Variants in CRYBB3 observed in about 807,000 individuals in gnomAD.
The protein encoded by CRYBB3 is beta-crystallin B3.
Under a neutral mutation model 28.3 loss-of-function variants are expected in CRYBB3, and 35 were observed. The observed-to-expected ratio is 1.24, with a 90% CI of 0.95 to 1.64. CRYBB3 has a LOEUF of 1.64. CRYBB3 is among the 40% of genes most tolerant of loss of function. The pLI, the probability that CRYBB3 is intolerant of heterozygous loss-of-function variation, is 0.00. For synonymous variants in CRYBB3, 106 were observed against 110.4 expected, an observed-to-expected ratio of 0.96 and a Z score of 0.25; for missense variants, 296 against 297.4, an observed-to-expected ratio of 1.00 and a Z score of 0.04.
intron 2 of CRYBB3, among the ~76,000 whole-genome samples, chr22:25,202,109 T>G (rs1305896137): frequency 2.0e-5 from 3 of 152,156 alleles, no homozygotes; most frequent in South Asian, 2.1e-4. Context: ...TTTCTGAGCT[T>G]CTTTGATCCC....
chr22:25,203,949 G>C, intron 4 of CRYBB3, 54 bp downstream of exon 4: 1 of 1,612,032 alleles, frequency 6.2e-7, no homozygotes, highest in Non-Finnish European at 8.5e-7. Flanking sequence ...GGTGCACTGA[G>C]AGCTGGTCAG....
At chr22:25,206,965 G>T in intron 5 of CRYBB3, 82 bp from the exon 6 acceptor site, 1 of 1,018,940 alleles carries the variant, frequency 9.8e-7, no homozygotes, top group Non-Finnish European at 1.6e-6. Context: ...ATGTAGGCAG[G>T]CAGAGTGCAT....
chr22:25,201,482 G>A lies in CRYBB3; in HGVS notation c.75+11G>A, dbSNP rs1441026343. 6.2e-7 allele frequency: 1 copy of A among 1,612,132 alleles called. No homozygotes were observed. Among genetic ancestry groups the A allele is most frequent in the South Asian group, 1.1e-5 (1 of 90,986 alleles). On this transcript the variant is annotated intron_variant, in intron 2 of 5. Transcript: ENST00000215855. ...GGGGGCAGCTACAAGGTACTGGGCA[G>A]GGAGGGGGTCAGAGGGCCCAGGCTA...
rs747513628 is a variant in CRYBB3, at chr22:25,203,813, A to G, written c.245A>G (p.Glu82Gly). ...TTCCGCGGGGAGCAGTTTGTTCTGGAGAAGGGGGATTATCCTCGCTGGGAT... is the reference window on the plus strand; with the variant it reads ...TTCCGCGGGGAGCAGTTTGTTCTGGGGAAGGGGGATTATCCTCGCTGGGAT... ...RAFRGEQFVL[E>G]KGDYPRWDAW... is the part of the protein sequence containing the mutation. Residue 82 changes from glutamate to glycine, a missense_variant, in exon 4 of 6, where the codon GAG becomes GGG. Physicochemically the swap from Glu to Gly is moderately conservative, Grantham distance 98. Transcript: ENST00000215855. 6.2e-7 allele frequency: 1 copy of G among 1,613,988 alleles called. No homozygotes were observed. The highest frequency in any genetic ancestry group is 8.5e-7 in the Non-Finnish European group (1 of 1,180,028).
chr22:25,201,569 C>T, intron 2 of CRYBB3, 98 bp downstream of exon 2: 1 of 1,544,630 alleles, frequency 6.5e-7, no homozygotes, highest in Non-Finnish European at 8.7e-7. Context: ...GAAGAGCCAT[C>T]CTTCCAACCA....
intron 5 of CRYBB3, among the ~76,000 whole-genome samples, chr22:25,205,789 T>C (rs756386309): frequency 3.3e-5 from 5 of 152,180 alleles, no homozygotes; most frequent in Non-Finnish European, 5.9e-5. Flanking sequence ...GCATGATTCA[T>C]GTTCCCTGCA....
intron 5 of CRYBB3, 139 bp from the exon 6 acceptor site, chr22:25,206,908 G>A (rs1046510162): frequency 3.3e-5 from 25 of 760,468 alleles, no homozygotes; most frequent in Non-Finnish European, 5.8e-5. Flanking sequence ...TGTGAGCAGG[G>A]TAAAGAGTTT....
Position 25,203,743 on chromosome 22 carries a change from C to A in CRYBB3, c.195-20C>A. 6.2e-7 allele frequency: 1 copy of A among 1,614,140 alleles called. No individual in the cohort carries two copies. The highest frequency in any genetic ancestry group is 1.3e-5 in the African/African-American group (1 of 75,050). On this transcript the variant is annotated intron_variant, in intron 3 of 5. Transcript: ENST00000215855. Reference sequence around the variant, plus strand: ...TCAGCTGCAGCAAAGGTGACCCAGCCAAGCCTCTTCCTCCCTCAGGTGGCT... The same window carrying A: ...TCAGCTGCAGCAAAGGTGACCCAGCAAAGCCTCTTCCTCCCTCAGGTGGCT...
At chr22:25,205,195 G>A (rs546440471) in intron 4 of CRYBB3, 25 bp from the exon 5 acceptor site, 14 of 1,612,642 alleles carry the variant, frequency 8.7e-6, no homozygotes, top group Admixed American at 5.0e-5. Context: ...GGGAGCAGCC[G>A]CTCACCCCAC....
At position 25,202,741 on chromosome 22, in the gene CRYBB3, T is replaced by G; in HGVS notation, c.143T>G (p.Leu48Arg). 2 of 1,614,106 alleles carry G rather than the reference T, an allele frequency of 1.2e-6. No individual in the cohort carries two copies. Among genetic ancestry groups the G allele is most frequent in the Non-Finnish European group, 1.7e-6 (2 of 1,180,016 alleles). Reference protein sequence around the residue: ...RCELSAECPSLTDSLLEKVGS... With the variant: ...RCELSAECPSRTDSLLEKVGS... ...GAGCTCTCGGCCGAGTGCCCCAGCCTGACCGACAGCCTGCTGGAGAAGGTG... is the reference window on the plus strand; with the variant it reads ...GAGCTCTCGGCCGAGTGCCCCAGCCGGACCGACAGCCTGCTGGAGAAGGTG... The change falls in exon 3 of 6, where the codon CTG becomes CGG. Residue 48 changes from leucine (L) to arginine (R), a missense_variant. Coordinates refer to ENST00000215855, the MANE Select transcript of CRYBB3 (RefSeq NM_004076.5).
intron 4 of CRYBB3, 127 bp downstream of exon 4, chr22:25,204,022 C>G (rs575459371): frequency 8.7e-7 from 1 of 1,148,718 alleles, no homozygotes; most frequent in East Asian, 2.4e-5. Context: ...GGGAAGGGCC[C>G]TCATGTTTCT....
intron 2 of CRYBB3, 27 bp from the exon 3 acceptor site, chr22:25,202,647 G>A (rs200840804): frequency 4.0e-4 from 653 of 1,612,930 alleles, no homozygotes; most frequent in Non-Finnish European, 5.3e-4. Context: ...TAGCAGAGGT[G>A]GGATGTTTAG....
chr22:25,206,490 C>T (rs1279578346), intron 5 of CRYBB3, among the ~76,000 whole-genome samples: 1 of 152,130 alleles, frequency 6.6e-6, no homozygotes, highest in African/African-American at 2.4e-5. Context: ...TTGTAGTGAG[C>T]CGAGATCACG....
intron 4 of CRYBB3, 52 bp downstream of exon 4, chr22:25,203,947 G>A (rs748932591): frequency 1.1e-5 from 17 of 1,612,412 alleles, no homozygotes; most frequent in Non-Finnish European, 1.4e-5. Context: ...AGGGTGCACT[G>A]AGAGCTGGTC....
In CRYBB3 at chr22:25,202,795, G is replaced by A. The variant is rs201644270; in HGVS notation, c.194+3G>A. 1.2e-6 allele frequency: 2 copies of A among 1,613,626 alleles called. No individual in the cohort carries two copies. The highest frequency in any genetic ancestry group is 8.5e-7 in the Non-Finnish European group (1 of 1,179,948). On this transcript the variant is annotated splice_donor_region_variant and intron_variant, in intron 3 of 5. Coordinates refer to ENST00000215855, the MANE Select transcript of CRYBB3 (RefSeq NM_004076.5). ...TCCATCCAAGTGGAGTCCGGGCCGT[G>A]AGTACCTAGACCCCCAGTCCCTCGC...
intron 2 of CRYBB3, among the ~76,000 whole-genome samples, chr22:25,201,952 A>C (rs1934955326): frequency 6.6e-6 from 1 of 152,200 alleles, no homozygotes; most frequent in Admixed American, 6.5e-5. Flanking sequence ...TAGAAATCTG[A>C]GAGAAGGTTT....
At chr22:25,200,661 C>T (rs1294711091) in intron 1 of CRYBB3, among the ~76,000 whole-genome samples, 1 of 152,156 alleles carries the variant, frequency 6.6e-6, no homozygotes, top group African/African-American at 2.4e-5. Flanking sequence ...GTCCCTGTAG[C>T]AATGAAGAAC....
At chr22:25,202,409 C>T (rs1319239663) in intron 2 of CRYBB3, among the ~76,000 whole-genome samples, 2 of 152,228 alleles carry the variant, frequency 1.3e-5, no homozygotes, top group Non-Finnish European at 2.9e-5. Flanking sequence ...ACCGACCTCT[C>T]GGGTTATTTC....
At chr22:25,206,481 T>C (rs906865953) in intron 5 of CRYBB3, among the ~76,000 whole-genome samples, 14 of 152,022 alleles carry the variant, frequency 9.2e-5, no homozygotes, top group Non-Finnish European at 1.6e-4. Flanking sequence ...AGGTGGAGGT[T>C]GTAGTGAGCC....
Sources: allele counts gnomAD v4.1 joint callset (sites outside exome capture counted in the v4.1 genomes callset), GRCh38; gene constraint gnomAD v4.1.1; transcripts MANE v1.5; gene names NCBI Gene and HGNC (gene_info 2026-07-23, HGNC 2026-07-21).